Variants in NT5DC3 observed in about 807,000 individuals in gnomAD.
The protein encoded by NT5DC3 is 5'-nucleotidase domain-containing protein 3.
A neutral mutation model predicts 67.8 loss-of-function variants in NT5DC3; 42 were observed. The ratio of observed to expected loss-of-function variants is 0.62; its 90% CI spans 0.48 to 0.80. The LOEUF (loss-of-function observed/expected upper bound fraction) is 0.80, where lower values mean the gene tolerates loss of function less well. NT5DC3 is among the 30% of genes least tolerant of loss of function. NT5DC3 has a pLI of 0.00. For missense variants in NT5DC3, 570 were observed against 696.4 expected, an observed-to-expected ratio of 0.82 and a Z score of 2.04; for synonymous variants, 237 against 255.6, an observed-to-expected ratio of 0.93 and a Z score of 0.69.
chr12:103,838,956 G>T (rs1372266674), intron 1 of NT5DC3, among the ~76,000 whole-genome samples: 1 of 152,178 alleles, frequency 6.6e-6, no homozygotes, highest in Admixed American at 6.5e-5. Flanking sequence ...GGGGACAAGG[G>T]AGAACATGAT....
At chr12:103,792,664 C>T (rs1021480955) in intron 9 of NT5DC3, among the ~76,000 whole-genome samples, 1 of 152,174 alleles carries the variant, frequency 6.6e-6, no homozygotes, top group Non-Finnish European at 1.5e-5. Context: ...CCCATTCCCA[C>T]GGCTACAGTG....
intron 6 of NT5DC3, among the ~76,000 whole-genome samples, 165 bp downstream of exon 6, chr12:103,796,729 T>C (rs934384250): frequency 4.6e-5 from 7 of 152,272 alleles, no homozygotes; most frequent in African/African-American, 1.7e-4. Context: ...TCTCCTGATG[T>C]AACAACATCT....
chr12:103,780,102 G>A (rs2289258), intron 13 of NT5DC3, among the ~76,000 whole-genome samples, 198 bp downstream of exon 13: 17,011 of 152,216 alleles, frequency 0.11, 1,441 homozygotes, highest in East Asian at 0.45. Context: ...CAGGGGTGAT[G>A]GCTGGCCTCA....
intron 1 of NT5DC3, among the ~76,000 whole-genome samples, chr12:103,815,703 T>C (rs1215568986): frequency 6.6e-6 from 1 of 152,138 alleles, no homozygotes; most frequent in Admixed American, 6.5e-5. Flanking sequence ...ATTACAGGCA[T>C]GCACCTCTGT....
In NT5DC3 at chr12:103,835,249, A is replaced by G. The variant is rs550215299; in HGVS notation, c.208+5700T>C. Among the ~76,000 whole-genome samples the G allele has an allele frequency of 2.0e-4, 31 of 152,310 alleles. 2 individuals carry two copies. In the South Asian group the frequency reaches 6.2e-3, roughly 31 times the overall value. On this transcript the variant is annotated intron_variant, in intron 1 of 13. Transcript: ENST00000392876. ...TCAAGCTGGGCACATAAATTCACAC[A>G]GACTTCAACAAGAGGAGAGAAGGAA...
intron 1 of NT5DC3, among the ~76,000 whole-genome samples, chr12:103,825,075 G>GC (rs141440230): frequency 0.1 from 15,452 of 152,116 alleles, 1,125 homozygotes; most frequent in East Asian, 0.29. Context: ...GGCTGGGCAT[G>GC]CCCCCCCGGG....
At chr12:103,752,239 C>T in the NT5DC3 span, among the ~76,000 whole-genome samples, 6 of 152,256 alleles carry the variant, frequency 3.9e-5, no homozygotes, top group East Asian at 9.6e-4. Flanking sequence ...TACATCTACT[C>T]AAATTCATTG....
At chr12:103,750,076 T>C in the NT5DC3 span, among the ~76,000 whole-genome samples, 2 of 152,092 alleles carry the variant, frequency 1.3e-5, no homozygotes, top group African/African-American at 2.4e-5. Context: ...GCAGACATCA[T>C]AGAGTTGTTG....
chr12:103,800,960 G>T lies in NT5DC3; in HGVS notation c.525-2283C>A, dbSNP rs1369588071. Among the ~76,000 whole-genome samples the T allele has an allele frequency of 2.6e-5, 4 of 152,194 alleles. No homozygotes were observed. The East Asian group carries it at 7.7e-4, about 29-fold the overall frequency. On this transcript the variant is annotated intron_variant, in intron 4 of 13. Transcript: ENST00000392876. The stretch of plus-strand genomic sequence containing the variant: ...AGGAGCTACCACGTATAGAACAGTT[G>T]GTCTATGTAAGCACTATAGAGAGGC...
intron 4 of NT5DC3, chr12:103,802,235 C>T (rs560091774): frequency 6.6e-6 from 1 of 152,118 alleles, no homozygotes; most frequent in Non-Finnish European, 1.5e-5. Context: ...CCTGTGAACC[C>T]CAGGAGAAGA....
chr12:103,761,332 T>G, the NT5DC3 span: 2 of 1,614,072 alleles, frequency 1.2e-6, no homozygotes, highest in South Asian at 2.2e-5. Flanking sequence ...GAAGAGCCAT[T>G]CTGCAGTGGG....
At chr12:103,817,462 T>C (rs7135803) in intron 1 of NT5DC3, among the ~76,000 whole-genome samples, 6,818 of 152,230 alleles carry the variant, frequency 0.045, 351 homozygotes, top group East Asian at 0.18. Flanking sequence ...TGGAGATAGG[T>C]ACATGTACAT....
At chr12:103,778,213 G>C in intron 13 of NT5DC3, 132 bp from the exon 14 acceptor site, 4 of 948,242 alleles carry the variant, frequency 4.2e-6, no homozygotes, top group Non-Finnish European at 3.0e-6. Flanking sequence ...TGTTAGCCTA[G>C]AGCAGCCCCA....
downstream of NT5DC3, chr12:103,766,378 G>A: frequency 1.3e-6 from 2 of 1,578,192 alleles, no homozygotes; most frequent in Non-Finnish European, 1.7e-6. Context: ...ACTGCCACCT[G>A]GGCCATCAAC....
chr12:103,811,188 G>A (rs1471647570), intron 2 of NT5DC3, among the ~76,000 whole-genome samples: 1 of 151,568 alleles, frequency 6.6e-6, no homozygotes, highest in Non-Finnish European at 1.5e-5. Flanking sequence ...TACCTGGGGG[G>A]GTAGACCATA....
the NT5DC3 span, among the ~76,000 whole-genome samples, chr12:103,747,482 A>G: frequency 3.3e-5 from 5 of 152,266 alleles, no homozygotes; most frequent in Admixed American, 1.3e-4. Flanking sequence ...GAGGTGGCCA[A>G]TACCATAAGC....
intron 5 of NT5DC3, 39 bp downstream of exon 5, chr12:103,798,548 A>G (rs1213697772): frequency 1.4e-6 from 2 of 1,419,642 alleles, no homozygotes; most frequent in Admixed American, 1.7e-5. Flanking sequence ...TTCAAGAAGG[A>G]AAAAGGCTGC....
the NT5DC3 span, chr12:103,759,318 T>C: frequency 3.7e-6 from 6 of 1,603,712 alleles, no homozygotes; most frequent in Admixed American, 1.7e-5. Flanking sequence ...AGATAATGCA[T>C]GCAAAGTTCC....
chr12:103,749,459 G>C, the NT5DC3 span, among the ~76,000 whole-genome samples: 3 of 152,036 alleles, frequency 2.0e-5, no homozygotes, highest in Non-Finnish European at 1.5e-5. Context: ...GGGGAAAGTG[G>C]GTAGAGAGTA....
Sources: gnomAD v4.1 joint callset for allele counts (sites outside exome capture counted in the v4.1 genomes callset) on GRCh38, gnomAD v4.1.1 for gene constraint, MANE v1.5 for transcripts, NCBI Gene and HGNC (gene_info 2026-07-23, HGNC 2026-07-21) for gene names.